DNAH1: variants seen among roughly 807,000 people sequenced by gnomAD.
The protein encoded by DNAH1 is axonemal beta dynein heavy chain 1.
In DNAH1, 327 loss-of-function variants were observed where a neutral mutation model predicts 484.3. The observed-to-expected ratio is 0.68, with a 90% CI of 0.62 to 0.74. The LOEUF (loss-of-function observed/expected upper bound fraction) is 0.74. Ranked by LOEUF, DNAH1 falls within the 30% of genes least tolerant of loss-of-function variation. The pLI, the probability that DNAH1 is intolerant of heterozygous loss-of-function variation, is 0.00. For missense variants in DNAH1, 5,052 were observed against 5,546.8 expected, an observed-to-expected ratio of 0.91 and a Z score of 2.83; for synonymous variants, 2,192 against 2,191.9, an observed-to-expected ratio of 1.00 and a Z score of 0.00.
intron 44 of DNAH1, chr3:52,373,644 T>G: frequency 7.0e-7 from 1 of 1,420,246 alleles, no homozygotes; most frequent in South Asian, 1.2e-5. Context: ...AAAACTACCA[T>G]CCTTAAAAGA....
At position 52,368,631 on chromosome 3, in the gene DNAH1, T is replaced by C. The variant is rs1559538541; in HGVS notation, c.5766-110T>C. ...ATAATTTTTAAAAGAACAAAGAGAT[T>C]GAAGGAAAGTAGAGCCCGCCCACCC... On this transcript the variant is annotated intron_variant, in intron 36 of 77. Coordinates refer to ENST00000420323, the MANE Select transcript of DNAH1 (RefSeq NM_015512.5). The surrounding 1 kb of genome is among the most constrained non-coding windows in gnomAD (Gnocchi z 4.4). The C allele has an allele frequency of 8.6e-7, 1 of 1,156,832 alleles. No individual in the cohort carries two copies. The highest frequency in any genetic ancestry group is 1.2e-6 in the Non-Finnish European group (1 of 812,542). 71.7% of individuals were successfully genotyped at this position (1,156,832 alleles called of 1,614,324 possible).
Position 52,361,912 on chromosome 3 carries a change from C to T in DNAH1, c.4980+146C>T. 1 of 836,036 alleles carries T rather than the reference C, an allele frequency of 1.2e-6. No individual in the cohort carries two copies. Among genetic ancestry groups the T allele is most frequent in the Non-Finnish European group, 1.8e-6 (1 of 541,590 alleles). 51.8% of individuals were successfully genotyped at this position (836,036 alleles called of 1,614,324 possible). ...CCCGGGGGCACACCCTAACCCCAGT[C>T]TGTGGGCAGCTCCCAGGCCAAGCTG... On this transcript the variant is annotated intron_variant, in intron 30 of 77. Coordinates refer to ENST00000420323, the MANE Select transcript of DNAH1 (RefSeq NM_015512.5). This position sits in a 1 kb window ranked among gnomAD's most constrained non-coding sequence, Gnocchi z 5.6.
At chr3:52,336,100 G>A (rs1701735295) in intron 8 of DNAH1, among the ~76,000 whole-genome samples, 1 of 152,068 alleles carries the variant, frequency 6.6e-6, no homozygotes. Flanking sequence ...CTTTTGCTGT[G>A]CAAAAGCTCT....
At position 52,358,519 on chromosome 3, in the gene DNAH1, A is replaced by C. The variant is rs1252328244; in HGVS notation, c.4087-39A>C. ...TGTGGTGGCCAGGGCATCTGGGCAC[A>C]CCAGGGTGACCCCACTCCTGCTCCT... On this transcript the variant is annotated intron_variant, in intron 24 of 77. Transcript: ENST00000420323. The surrounding 1 kb of genome is among the most constrained non-coding windows in gnomAD (Gnocchi z 4.2). 3.2e-6 allele frequency: 5 copies of C among 1,564,516 alleles called. No individual in the cohort carries two copies. Among genetic ancestry groups the C allele is most frequent in the Non-Finnish European group, 4.3e-6 (5 of 1,155,650 alleles).
chr3:52,370,472 C>A lies in DNAH1; in HGVS notation c.6259-5C>A. 1 of 1,613,954 alleles carries A rather than the reference C, an allele frequency of 6.2e-7. No homozygotes were observed. Among genetic ancestry groups the A allele is most frequent in the South Asian group, 1.1e-5 (1 of 91,076 alleles). ...TCAGCCTGATACTGTTCCCTTCATC[C>A]CCAGGGCCTCAAGAAAATACCCTCT... is the stretch of plus-strand genomic sequence containing the variant. On this transcript the variant is annotated splice_region_variant and splice_polypyrimidine_tract_variant and intron_variant, in intron 39 of 77. Coordinates refer to ENST00000420323, the MANE Select transcript of DNAH1 (RefSeq NM_015512.5).
At chr3:52,339,286 G>T (rs1701843917) in intron 8 of DNAH1, among the ~76,000 whole-genome samples, 2 of 147,412 alleles carry the variant, frequency 1.4e-5, no homozygotes, top group Non-Finnish European at 1.5e-5. Flanking sequence ...TTATTCTCTT[G>T]GTTATATCCT....
chr3:52,373,301 G>C (rs189356340), intron 44 of DNAH1, among the ~76,000 whole-genome samples: 1 of 152,152 alleles, frequency 6.6e-6, no homozygotes, highest in Non-Finnish European at 1.5e-5. Context: ...CAGTCCCCAG[G>C]TGGCGGTGGT....
At chr3:52,315,838 G>C (rs575154012), upstream of DNAH1, among the ~76,000 whole-genome samples, 1 of 152,280 alleles carries the variant, frequency 6.6e-6, no homozygotes, top group South Asian at 2.1e-4. Context: ...CACATTAGAG[G>C]GTAGCCCCTG....
Position 52,366,502 on chromosome 3 carries a change from G to T in DNAH1, c.5564G>T (p.Arg1855Leu). The T allele has an allele frequency of 1.2e-6, 2 of 1,603,294 alleles. No homozygotes were observed. Among genetic ancestry groups the T allele is most frequent in the South Asian group, 2.3e-5 (2 of 88,686 alleles). Reference sequence around the variant, plus strand: ...CAGCTCTACGAGACCACGGTGGTACGACACGGCCTCATGCTCGTCGGGCCC... The same window carrying T: ...CAGCTCTACGAGACCACGGTGGTACTACACGGCCTCATGCTCGTCGGGCCC... ...CIQLYETTVV[R>L]HGLMLVGPTG... is the part of the protein sequence containing the mutation. Residue 1855 changes from arginine (R) to leucine (L), a missense_variant, in exon 35 of 78, where the codon CGA becomes CTA. By Grantham distance (102) the Arg-to-Leu change is moderately radical (BLOSUM62 -2). Coordinates refer to ENST00000420323, the MANE Select transcript of DNAH1 (RefSeq NM_015512.5).
intron 21 of DNAH1, 78 bp from the exon 22 acceptor site, chr3:52,356,536 G>A (rs2153224173): frequency 6.8e-7 from 1 of 1,471,598 alleles, no homozygotes; most frequent in East Asian, 2.4e-5. Flanking sequence ...GGGGTGAAAT[G>A]TCCCAGTCAT....
In DNAH1 at chr3:52,332,201, G is replaced by T. The variant is rs374001771; in HGVS notation, c.1093G>T (p.Ala365Ser). 1.4e-4 allele frequency: 217 copies of T among 1,607,026 alleles called. No homozygotes were observed. In the African/African-American group the frequency reaches 2.7e-3, roughly 20 times the overall value. Residue 365 changes from alanine (A) to serine (S), a missense_variant, in exon 8 of 78, where the codon GCT becomes TCT. Ala to Ser is a moderately conservative substitution (Grantham distance 99). Coordinates refer to ENST00000420323, the MANE Select transcript of DNAH1 (RefSeq NM_015512.5). ...WVPRIQLLFC[A>S]EDPCMFAQRV... ...GCCACGGATCCAGCTTCTCTTCTGC[G>T]CTGAGGACCCTTGCATGTTCGCACA...
At chr3:52,397,905 AGG>A in intron 74 of DNAH1, 28 bp downstream of exon 74, 1 of 1,582,130 alleles carries the variant, frequency 6.3e-7, no homozygotes, top group Non-Finnish European at 8.6e-7. Context: ...AAGGGGCCCA[AGG>A]GCTGGACGGG....
chr3:52,372,293 C>T lies in DNAH1; in HGVS notation c.6733C>T (p.Leu2245=). 1 of 1,614,032 alleles carries T rather than the reference C, an allele frequency of 6.2e-7. No individual in the cohort carries two copies. The highest frequency in any genetic ancestry group is 8.5e-7 in the Non-Finnish European group (1 of 1,179,880). ...CATCTCTGACAAGCTCCTCAAGAAC[C>T]TGGCACTGGATTACATCAGCCACTT... The part of the protein sequence containing the change: ...LTISDKLLKN[L]ALDYISHFLT... Residue 2245 remains leucine, a synonymous_variant, in exon 43 of 78, where the codon CTG becomes TTG. Coordinates refer to ENST00000420323, the MANE Select transcript of DNAH1 (RefSeq NM_015512.5).
chr3:52,382,223 G>T, intron 49 of DNAH1, 97 bp from the exon 50 acceptor site: 1 of 1,595,412 alleles, frequency 6.3e-7, no homozygotes, highest in Non-Finnish European at 8.6e-7. Context: ...GATGGGAGCA[G>T]AATTCCAGGT....
At chr3:52,338,347 G>C (rs750822682) in intron 8 of DNAH1, among the ~76,000 whole-genome samples, 3 of 152,086 alleles carry the variant, frequency 2.0e-5, no homozygotes, top group African/African-American at 7.2e-5. Context: ...GACCTCAAAT[G>C]ATTCACCCAC....
At position 52,395,920 on chromosome 3, in the gene DNAH1, C is replaced by G. The variant is rs1208843790; in HGVS notation, c.11259+242C>G. Among the ~76,000 whole-genome samples, 2 of 151,554 alleles carry G rather than the reference C, an allele frequency of 1.3e-5. No homozygotes were observed. Among genetic ancestry groups the G allele is most frequent in the Admixed American group, 6.6e-5 (1 of 15,234 alleles). On this transcript the variant is annotated intron_variant, in intron 70 of 77. Transcript: ENST00000420323. This position sits in a 1 kb window ranked among gnomAD's most constrained non-coding sequence, Gnocchi z 4.4. ...AGGGACACCCAGCACAGACCGTGAC[C>G]TGGGACTTGCCAAAGCCCTTTTTTT... is the stretch of plus-strand genomic sequence containing the variant.
In DNAH1 at chr3:52,348,965, G is replaced by C. The variant is rs777943354; in HGVS notation, c.2184G>C (p.Glu728Asp). Residue 728 changes from glutamate (E) to aspartate (D), a missense_variant, in exon 13 of 78, where the codon GAG becomes GAC. Physicochemically the swap from Glu to Asp is conservative, Grantham distance 45. Coordinates refer to ENST00000420323, the MANE Select transcript of DNAH1 (RefSeq NM_015512.5). The stretch of plus-strand genomic sequence containing the variant: ...GCCTTCATGAGCCACTGGTGGAAGA[G>C]CTACGGGCCACCATTGCCAGTGCCG... ...SVGLHEPLVE[E>D]LRATIASAVS... is the part of the protein sequence containing the mutation. The C allele has an allele frequency of 6.2e-7, 1 of 1,613,368 alleles. No individual in the cohort carries two copies. Among genetic ancestry groups the C allele is most frequent in the South Asian group, 1.1e-5 (1 of 91,086 alleles).
rs778742726 is a variant in DNAH1, at chr3:52,364,908, G to A, written c.5407G>A (p.Gly1803Ser). ...FLQEDLKLFS[G>S]IVSDLFPTIK... ...GCAGGAGGACCTCAAGCTCTTCTCTGGCATCGTGTCCGACCTGTTTCCCAC... is the reference window on the plus strand; with the variant it reads ...GCAGGAGGACCTCAAGCTCTTCTCTAGCATCGTGTCCGACCTGTTTCCCAC... The change falls in exon 34 of 78, where the codon GGC becomes AGC. Residue 1803 changes from glycine (G) to serine (S), a missense_variant. Transcript: ENST00000420323. The surrounding 1 kb of genome is among the most constrained non-coding windows in gnomAD (Gnocchi z 4.2). The A allele has an allele frequency of 1.5e-5, 24 of 1,613,894 alleles. No homozygotes were observed. Among genetic ancestry groups the A allele is most frequent in the Admixed American group, 3.3e-5 (2 of 60,004 alleles).
At position 52,373,337 on chromosome 3, in the gene DNAH1, G is replaced by A. The variant is rs549031333; in HGVS notation, c.6985+284G>A. Among the ~76,000 whole-genome samples the A allele has an allele frequency of 1.9e-3, 296 of 152,220 alleles. 1 individual carries two copies. The highest frequency in any genetic ancestry group is 6.8e-3 in the African/African-American group (283 of 41,554). The stretch of plus-strand genomic sequence containing the variant: ...GGCCGCGGGGGCGCGACGGCGGGGC[G>A]GGGGCGCTGCTGCTGCGGGGGCAGG... On this transcript the variant is annotated intron_variant, in intron 44 of 77. Coordinates refer to ENST00000420323, the MANE Select transcript of DNAH1 (RefSeq NM_015512.5).
Sources: allele counts gnomAD v4.1 joint callset (sites outside exome capture counted in the v4.1 genomes callset), GRCh38; gene constraint gnomAD v4.1.1; non-coding constraint Gnocchi (gnomAD v3.1); transcripts MANE v1.5; gene names NCBI Gene and HGNC (gene_info 2026-07-23, HGNC 2026-07-21).